The following CDK14 variants were observed in gnomAD, a reference collection of about 807,000 sequenced individuals.
CDK14 encodes the protein cyclin dependent kinase 14.
CDK14 carries 34 observed loss-of-function variants against 60.7 expected under a neutral mutation model. The observed-to-expected ratio is 0.56, with a 90% confidence interval of 0.43 to 0.75. The LOEUF (loss-of-function observed/expected upper bound fraction) is 0.75. Among genes scored for constraint, CDK14 ranks in the 30% least tolerant of loss-of-function variants. The probability of loss-of-function intolerance (pLI) is 0.00; values close to 1 mark genes in which losing one functional copy is unlikely to be tolerated. For missense variants in CDK14, 482 were observed against 564.1 expected, an observed-to-expected ratio of 0.85 and a Z score of 1.47; for synonymous variants, 197 against 203.7, an observed-to-expected ratio of 0.97 and a Z score of 0.28.
chr7:91,172,246 T>A (rs1456755167), intron 14 of CDK14, among the ~76,000 whole-genome samples: 1 of 152,216 alleles, frequency 6.6e-6, no homozygotes, highest in Non-Finnish European at 1.5e-5. Context: ...TATTTATTAT[T>A]TGCGTAGTTG....
At chr7:91,080,969 T>C (rs963343442) in intron 12 of CDK14, among the ~76,000 whole-genome samples, 1 of 152,246 alleles carries the variant, frequency 6.6e-6, no homozygotes, top group African/African-American at 2.4e-5. Flanking sequence ...TGATAAAAGC[T>C]GAGCTTGAGG....
intron 4 of CDK14, among the ~76,000 whole-genome samples, chr7:90,768,242 A>G (rs1804645351): frequency 6.6e-6 from 1 of 152,242 alleles, no homozygotes; most frequent in Non-Finnish European, 1.5e-5. Context: ...AAATGTAATT[A>G]TTGTAGCTGG....
chr7:91,087,059 C>T (rs1461917609), intron 12 of CDK14, among the ~76,000 whole-genome samples: 4 of 152,126 alleles, frequency 2.6e-5, no homozygotes, highest in Non-Finnish European at 5.9e-5. Context: ...GTAGCTGGGA[C>T]TATAAGTACC....
chr7:90,911,357 AAGATG>A (rs1792894407), intron 7 of CDK14, among the ~76,000 whole-genome samples: 1 of 152,218 alleles, frequency 6.6e-6, no homozygotes, highest in Non-Finnish European at 1.5e-5. Flanking sequence ...AACCATGTTT[AAGATG>A]AGAAACCTGA....
Position 90,873,744 on chromosome 7 carries a change from T to C in CDK14, c.639+10475T>C, listed in dbSNP as rs537705217. Among the ~76,000 whole-genome samples the C allele has an allele frequency of 2.0e-5, 3 of 152,326 alleles. No individual in the cohort carries two copies. The South Asian group carries it at 6.2e-4, about 32-fold the overall frequency. On this transcript the variant is annotated intron_variant, in intron 6 of 14. Coordinates refer to ENST00000380050, the MANE Select transcript of CDK14 (RefSeq NM_001287135.2). ...TTTCAGTTTCTCTTTAAATATCTAA[T>C]AAAACTCATTTATTTTCACTTATTG...
chr7:90,878,031 G>A (rs1346139914), intron 6 of CDK14, among the ~76,000 whole-genome samples: 4 of 151,280 alleles, frequency 2.6e-5, no homozygotes, highest in Non-Finnish European at 4.4e-5. Flanking sequence ...AACTTGATAT[G>A]GTAATTTTCA....
chr7:90,959,646 A>G (rs1584169905), intron 9 of CDK14, among the ~76,000 whole-genome samples: 3 of 152,252 alleles, frequency 2.0e-5, no homozygotes, highest in South Asian at 4.1e-4. Flanking sequence ...ATACAGTGTT[A>G]CATTTTCCAG....
chr7:90,694,131 T>G lies in CDK14; in HGVS notation c.124-32436T>G, dbSNP rs4727237. Among the ~76,000 whole-genome samples the G allele has an allele frequency of 3.0e-3, 458 of 152,210 alleles. 2 individuals are homozygous for G. Among genetic ancestry groups the G allele is most frequent in the Middle Eastern group, 6.8e-3 (2 of 294 alleles). The stretch of plus-strand genomic sequence containing the variant: ...GCTTACCTTTTATTATCTTTGTGCC[T>G]TAGGGCTTGGCACTGTGCCTGATGT... On this transcript the variant is annotated intron_variant, in intron 2 of 14. Coordinates refer to ENST00000380050, the MANE Select transcript of CDK14 (RefSeq NM_001287135.2).
At chr7:91,076,242 C>CAAAAAAAAAAAAAAAAAAAAAAA (rs564729987) in intron 11 of CDK14, among the ~76,000 whole-genome samples, 2 of 28,758 alleles carry the variant, frequency 7.0e-5, no homozygotes, top group Admixed American at 6.8e-4. Flanking sequence ...CTACAGTAAC[C>CAAAAAAAAAAAAAAAAAAAAAAA]AAAAAAAAAA....
intron 5 of CDK14, among the ~76,000 whole-genome samples, chr7:90,845,329 G>A (rs1027159680): frequency 3.9e-5 from 6 of 152,026 alleles, no homozygotes; most frequent in African/African-American, 1.4e-4. Context: ...TGTAAATCTG[G>A]TTAAACATTT....
intron 12 of CDK14, among the ~76,000 whole-genome samples, chr7:91,110,423 G>T (rs763249159): frequency 6.6e-6 from 1 of 152,030 alleles, no homozygotes; most frequent in African/African-American, 2.4e-5. Context: ...ATAATTCTTC[G>T]AGATAATGAA....
At chr7:91,020,097 G>A (rs1796396812) in intron 10 of CDK14, among the ~76,000 whole-genome samples, 1 of 152,084 alleles carries the variant, frequency 6.6e-6, no homozygotes, top group South Asian at 2.1e-4. Flanking sequence ...AGATAAGAAG[G>A]GCCAATGGAA....
intron 2 of CDK14, among the ~76,000 whole-genome samples, chr7:90,659,994 C>T (rs4727234): frequency 0.31 from 46,383 of 151,830 alleles, 7,969 homozygotes; most frequent in East Asian, 0.67. Flanking sequence ...TAGAAAATTA[C>T]TGTGAAATGG....
At position 91,031,299 on chromosome 7, in the gene CDK14, G is replaced by A. The variant is rs529375056; in HGVS notation, c.1042-14598G>A. 1.4e-4 allele frequency among the ~76,000 whole-genome samples: 21 copies of A among 152,074 alleles called. No homozygotes were observed. The South Asian group carries it at 3.9e-3, about 29-fold the overall frequency. ...TGTGATTTTCCTTTCTGTATCATGA[G>A]CAGAAACCCATAAACAATGCAAATG... On this transcript the variant is annotated intron_variant, in intron 10 of 14. Coordinates refer to ENST00000380050, the MANE Select transcript of CDK14 (RefSeq NM_001287135.2).
At chr7:91,166,825 GCAGTCT>G (rs928415189) in intron 14 of CDK14, among the ~76,000 whole-genome samples, 1 of 152,198 alleles carries the variant, frequency 6.6e-6, no homozygotes. Flanking sequence ...AGAGAGCTGG[GCAGTCT>G]CTGTGCTCTT....
At chr7:90,783,631 T>A (rs566868509) in intron 4 of CDK14, among the ~76,000 whole-genome samples, 1 of 152,222 alleles carries the variant, frequency 6.6e-6, no homozygotes, top group African/African-American at 2.4e-5. Context: ...TGAATAGACA[T>A]TTCTCAAAAG....
At chr7:90,928,043 T>C (rs1243531997) in intron 8 of CDK14, among the ~76,000 whole-genome samples, 1 of 152,170 alleles carries the variant, frequency 6.6e-6, no homozygotes. Context: ...GTAGTTCTAA[T>C]GCCATGGTTT....
chr7:90,629,690 G>C (rs1017180146), intron 2 of CDK14, among the ~76,000 whole-genome samples: 5 of 152,134 alleles, frequency 3.3e-5, no homozygotes, highest in African/African-American at 1.2e-4. Flanking sequence ...GTCCATGTTG[G>C]AGATTCAATT....
At chr7:90,609,469 C>T (rs1799492128) in intron 2 of CDK14, among the ~76,000 whole-genome samples, 1 of 152,024 alleles carries the variant, frequency 6.6e-6, no homozygotes, top group African/African-American at 2.4e-5. Flanking sequence ...AGAACCATCC[C>T]CTTGGTGCTG....
Sources: gnomAD v4.1 joint callset for allele counts (sites outside exome capture counted in the v4.1 genomes callset) on GRCh38, gnomAD v4.1.1 for gene constraint, MANE v1.5 for transcripts, NCBI Gene and HGNC (gene_info 2026-07-23, HGNC 2026-07-21) for gene names.